Variants in SRFBP1 observed in about 807,000 individuals in gnomAD.
SRFBP1 encodes serum response factor-binding protein 1.
A neutral mutation model predicts 45.5 loss-of-function variants in SRFBP1; 47 were observed. The ratio of observed to expected loss-of-function variants is 1.03; its 90% confidence interval spans 0.82 to 1.32. The LOEUF (loss-of-function observed/expected upper bound fraction) is 1.32, where lower values mean the gene tolerates loss of function less well. Among genes scored for constraint, SRFBP1 ranks in the 40% most tolerant of loss-of-function variants. SRFBP1 has a pLI of 0.00. For missense variants in SRFBP1, 621 were observed against 484.6 expected (o/e 1.28, Z -2.64); for synonymous variants, 203 against 166.3 (o/e 1.22, Z -1.70).
At chr5:121,970,285 T>C (rs1752159287) in intron 1 of SRFBP1, among the ~76,000 whole-genome samples, 1 of 152,118 alleles carries the variant, frequency 6.6e-6, no homozygotes, top group Admixed American at 6.6e-5. Flanking sequence ...ATTTTAAAAT[T>C]GGAGACGAGC....
chr5:122,029,134 G>A (rs1450599487), downstream of SRFBP1, among the ~76,000 whole-genome samples: 6 of 152,100 alleles, frequency 3.9e-5, no homozygotes, highest in South Asian at 1.0e-3. Context: ...AAGGGTTGGG[G>A]GTGGGAGGGG....
chr5:121,978,802 C>A (rs969651056), intron 3 of SRFBP1, among the ~76,000 whole-genome samples: 1 of 152,084 alleles, frequency 6.6e-6, no homozygotes, highest in Non-Finnish European at 1.5e-5. Context: ...TATCTGTATT[C>A]TTTTTTAACC....
intron 3 of SRFBP1, among the ~76,000 whole-genome samples, chr5:121,979,792 G>GTTA: frequency 6.6e-6 from 1 of 152,070 alleles, no homozygotes; most frequent in Non-Finnish European, 1.5e-5. Flanking sequence ...AGGAAGTCTG[G>GTTA]TTATTACCTC....
chr5:122,073,985 G>A lies in SRFBP1; in HGVS notation n.312-1330G>A, dbSNP rs762701039. ...TGACCCGTTTCTCTCTGAGGCTTGA[G>A]GTTCTGGATTTCAGGGTGCCAACAT... On this transcript the variant is annotated intron_variant and non_coding_transcript_variant, in intron 2 of 2. Transcript: ENST00000504881. 1.3e-5 allele frequency: 20 copies of A among 1,598,588 alleles called. 1 individual carries two copies. The highest frequency in any genetic ancestry group is 1.9e-4 in the Middle Eastern group (1 of 5,334).
intron 1 of SRFBP1, among the ~76,000 whole-genome samples, chr5:121,971,126 T>C (rs1440482064): frequency 1.3e-5 from 2 of 151,984 alleles, no homozygotes; most frequent in East Asian, 3.9e-4. Context: ...CTGAGAGCAA[T>C]TGGACACCGT....
chr5:122,033,819 G>GTTTT (rs1240048813), intron 2 of SRFBP1, among the ~76,000 whole-genome samples: 15 of 114,482 alleles, frequency 1.3e-4, no homozygotes, highest in East Asian at 2.6e-4. Flanking sequence ...TTTATTTTCA[G>GTTTT]TTTTTTTTTT....
chr5:121,979,636 G>T (rs1348815676), intron 3 of SRFBP1, among the ~76,000 whole-genome samples: 2 of 152,096 alleles, frequency 1.3e-5, no homozygotes, highest in African/African-American at 2.4e-5. Flanking sequence ...ATCTCACCTA[G>T]AATCAGCTTT....
At chr5:121,975,816 T>A (rs184099690) in intron 3 of SRFBP1, among the ~76,000 whole-genome samples, 14 of 152,132 alleles carry the variant, frequency 9.2e-5, no homozygotes, top group Admixed American at 3.3e-4. Context: ...GTATCGGCAT[T>A]TTATTCAGTT....
chr5:122,078,018 A>G (rs2152591818), downstream of SRFBP1: 5 of 1,436,706 alleles, frequency 3.5e-6, no homozygotes, highest in East Asian at 1.1e-4. Flanking sequence ...CCGCTCGAGG[A>G]GGACGTGGCT....
intron 2 of SRFBP1, among the ~76,000 whole-genome samples, chr5:122,072,070 A>G (rs1039611536): frequency 6.6e-6 from 1 of 152,252 alleles, no homozygotes. Flanking sequence ...CATATAATAC[A>G]TACTCAATAA....
chr5:121,968,695 T>C (rs1752126075), intron 1 of SRFBP1, among the ~76,000 whole-genome samples: 1 of 152,178 alleles, frequency 6.6e-6, no homozygotes, highest in Non-Finnish European at 1.5e-5. Context: ...AAGTAGGACT[T>C]TTGTTAAAGT....
At chr5:122,051,398 T>C (rs1312554132) in intron 2 of SRFBP1, among the ~76,000 whole-genome samples, 1 of 152,144 alleles carries the variant, frequency 6.6e-6, no homozygotes, top group Non-Finnish European at 1.5e-5. Flanking sequence ...TAAGTCTTTG[T>C]AGGCCTCCAA....
At chr5:122,022,253 T>A (rs1337741893) in intron 6 of SRFBP1, 117 bp from the exon 7 acceptor site, 1 of 723,000 alleles carries the variant, frequency 1.4e-6, no homozygotes, top group Non-Finnish European at 2.2e-6. Context: ...TTTGCTGGTG[T>A]GACTAAGGAG....
chr5:122,024,017 G>T (rs1753417032), intron 7 of SRFBP1, among the ~76,000 whole-genome samples: 1 of 152,172 alleles, frequency 6.6e-6, no homozygotes, highest in African/African-American at 2.4e-5. Flanking sequence ...CTGCTCTAGG[G>T]CTGAGTTGCT....
intron 3 of SRFBP1, among the ~76,000 whole-genome samples, chr5:121,982,946 G>A (rs1752441314): frequency 6.6e-6 from 1 of 151,584 alleles, no homozygotes; most frequent in Non-Finnish European, 1.5e-5. Flanking sequence ...AGTATCCAAA[G>A]CACTTTTAAA....
At chr5:122,046,539 T>C (rs1753863013) in intron 2 of SRFBP1, among the ~76,000 whole-genome samples, 1 of 152,338 alleles carries the variant, frequency 6.6e-6, no homozygotes, top group South Asian at 2.1e-4. Context: ...CAGCATGATT[T>C]ATAATCCTTT....
Position 122,020,099 on chromosome 5 carries a change from G to A in SRFBP1, c.364G>A (p.Ala122Thr). 2 of 1,562,082 alleles carry A rather than the reference G, an allele frequency of 1.3e-6. No individual in the cohort carries two copies. The highest frequency in any genetic ancestry group is 1.7e-6 in the Non-Finnish European group (2 of 1,158,280). ...KIDVLKAAVQ[A>T]FKEARQNVAE... ...TGTTTCTCTTGCAGCTGCTGTACAA[G>A]CCTTTAAAGAAGCAAGACAAAATGT... is the stretch of plus-strand genomic sequence containing the variant. The change falls in exon 6 of 8, where the codon GCC (alanine) becomes ACC (threonine). Residue 122 changes from alanine to threonine, a missense_variant. Coordinates refer to ENST00000339397, the MANE Select transcript of SRFBP1 (RefSeq NM_152546.3).
At chr5:122,036,741 A>C (rs1262996287) in intron 2 of SRFBP1, among the ~76,000 whole-genome samples, 1 of 152,080 alleles carries the variant, frequency 6.6e-6, no homozygotes. Flanking sequence ...ATATGACCCA[A>C]CTGGGAGAGG....
intron 2 of SRFBP1, among the ~76,000 whole-genome samples, chr5:122,053,163 A>G (rs1339390778): frequency 5.3e-5 from 8 of 152,032 alleles, no homozygotes; most frequent in Non-Finnish European, 1.2e-4. Context: ...CTTCCTGGGA[A>G]AACACAGGGT....
Sources: allele counts gnomAD v4.1 joint callset (sites outside exome capture counted in the v4.1 genomes callset), GRCh38; gene constraint gnomAD v4.1.1; transcripts MANE v1.5; gene names NCBI Gene and HGNC (gene_info 2026-07-23, HGNC 2026-07-21).